The following SSR3 variants were observed in gnomAD, a reference collection of about 807,000 sequenced individuals.
The protein encoded by SSR3 is signal sequence receptor subunit 3.
A neutral mutation model predicts 22.1 loss-of-function variants in SSR3; 10 were observed. The ratio of observed to expected loss-of-function variants is 0.45; its 90% CI spans 0.28 to 0.77. The LOEUF is 0.77. Among genes scored for constraint, SSR3 ranks in the 30% least tolerant of loss-of-function variants. The probability of loss-of-function intolerance (pLI) is 0.13; values close to 1 mark genes in which losing one functional copy is unlikely to be tolerated. For missense variants in SSR3, 181 were observed against 220.5 expected (o/e 0.82, Z 1.13); for synonymous variants, 104 against 82.5 (o/e 1.26, Z -1.42).
intron 3 of SSR3, among the ~76,000 whole-genome samples, chr3:156,547,787 GA>G (rs1302262029): frequency 2.0e-5 from 3 of 152,160 alleles, no homozygotes; most frequent in Non-Finnish European, 4.4e-5. Flanking sequence ...CCAGTGCCAG[GA>G]AAGTTTCTTT....
At chr3:156,545,585 C>T (rs1430932093) in intron 3 of SSR3, among the ~76,000 whole-genome samples, 1 of 152,070 alleles carries the variant, frequency 6.6e-6, no homozygotes, top group African/African-American at 2.4e-5. Context: ...ACAAGTTTTG[C>T]CGGAAAGGAG....
At position 156,553,759 on chromosome 3, in the gene SSR3, A is replaced by AT. The variant is rs1461416831; in HGVS notation, c.155dup (p.His52GlnfsTer12). The AT allele has an allele frequency of 1.6e-5, 26 of 1,611,994 alleles. No homozygotes were observed. The highest frequency in any genetic ancestry group is 2.2e-5 in the Non-Finnish European group (26 of 1,179,258). On this transcript the variant is annotated frameshift_variant, in exon 2 of 5. Transcript: ENST00000265044. LOFTEE classifies it high-confidence loss of function. Reference sequence around the variant, plus strand: ...AAACAGCAGACTGAATAAGATCCATATGCCATATTCGCCAGTATAACCCTG... The same window carrying AT: ...AAACAGCAGACTGAATAAGATCCATATTGCCATATTCGCCAGTATAACCCTG...
chr3:156,549,144 A>C (rs1386244359), intron 2 of SSR3, 141 bp from the exon 3 acceptor site: 2 of 891,592 alleles, frequency 2.2e-6, no homozygotes, highest in Non-Finnish European at 3.2e-6. Flanking sequence ...CTGAGCAGAA[A>C]GTTCCAAGTT....
rs552636142 is a variant in SSR3 at position 156,541,937 on chromosome 3, T to C, written c.*1266A>G. On this transcript the variant is annotated 3_prime_UTR_variant, in exon 5 of 5. Coordinates refer to ENST00000265044, the MANE Select transcript of SSR3 (RefSeq NM_007107.5). ...AGTTAAACTCCCGATGAATAATTTT[T>C]ATAAAATTATAAAGAAAACAACTAA... is the stretch of plus-strand genomic sequence containing the variant. 2 of 152,310 alleles carry C rather than the reference T, an allele frequency of 1.3e-5. No individual in the cohort carries two copies. The highest frequency in any genetic ancestry group is 6.5e-5 in the Admixed American group (1 of 15,300). The allele number at this position is 152,310 out of a possible 1,614,324, so 9.4% of individuals were successfully genotyped here. A position where few individuals can be genotyped will look rare whatever the true frequency, so the allele number is the denominator to read the frequency against.
chr3:156,554,870 C>A, intron 1 of SSR3, 87 bp downstream of exon 1: 3 of 1,521,668 alleles, frequency 2.0e-6, no homozygotes, highest in Non-Finnish European at 2.6e-6. Context: ...GGCACCCACG[C>A]CTTCCCTGCT....
intron 2 of SSR3, among the ~76,000 whole-genome samples, chr3:156,549,980 AT>A (rs2108448972): frequency 6.7e-6 from 1 of 148,562 alleles, no homozygotes; most frequent in African/African-American, 2.5e-5. Flanking sequence ...ATTTCATTAT[AT>A]AAAAACTATC....
Position 156,541,089 on chromosome 3 carries a change from T to C in SSR3, c.*2114A>G, listed in dbSNP as rs1719467267. ...ACAGTAAACAAATTTTGCTCACTCA[T>C]TTTCCTACAAATCTTCAGTTTATTA... On this transcript the variant is annotated 3_prime_UTR_variant, in exon 5 of 5. Transcript: ENST00000265044. 6.6e-6 allele frequency: 1 copy of C among 152,246 alleles called. No individual in the cohort carries two copies. Among genetic ancestry groups the C allele is most frequent in the East Asian group, 1.9e-4 (1 of 5,206 alleles). The allele number at this position is 152,246 out of a possible 1,614,324, so 9.4% of individuals were successfully genotyped here. A position where few individuals can be genotyped will look rare whatever the true frequency, so the allele number is the denominator to read the frequency against.
chr3:156,548,276 G>T (rs1428965781), intron 3 of SSR3, among the ~76,000 whole-genome samples: 6 of 152,196 alleles, frequency 3.9e-5, no homozygotes, highest in African/African-American at 1.4e-4. Flanking sequence ...GGGACTAGGG[G>T]TTAACAAACG....
rs371884573 is a variant in SSR3, at chr3:156,540,950, A to G, written c.*2253T>C. The G allele has an allele frequency of 5.3e-4, 81 of 152,360 alleles. No individual in the cohort carries two copies. Among genetic ancestry groups the G allele is most frequent in the African/African-American group, 1.6e-3 (67 of 41,578 alleles). 9.4% of individuals were successfully genotyped at this position (152,360 alleles called of 1,614,324 possible). On this transcript the variant is annotated 3_prime_UTR_variant, in exon 5 of 5. Coordinates refer to ENST00000265044, the MANE Select transcript of SSR3 (RefSeq NM_007107.5). ...TACTCACACAGTAAATCCTTAACGAAAACTACTGAACTGTGAGTATATGCT... is the reference window on the plus strand; with the variant it reads ...TACTCACACAGTAAATCCTTAACGAGAACTACTGAACTGTGAGTATATGCT...
intron 3 of SSR3, among the ~76,000 whole-genome samples, chr3:156,547,985 G>A (rs1436234687): frequency 6.6e-6 from 1 of 152,082 alleles, no homozygotes; most frequent in African/African-American, 2.4e-5. Flanking sequence ...TGTGTTACTT[G>A]TTTTATATGC....
intron 2 of SSR3, among the ~76,000 whole-genome samples, chr3:156,551,692 C>T (rs1287173258): frequency 6.6e-6 from 1 of 152,218 alleles, no homozygotes; most frequent in African/African-American, 2.4e-5. Context: ...TAACTGAGAT[C>T]ATCTCAACAT....
At chr3:156,552,344 G>GACATGATAAAA (rs1286943919) in intron 2 of SSR3, among the ~76,000 whole-genome samples, 2 of 149,178 alleles carry the variant, frequency 1.3e-5, no homozygotes, top group Non-Finnish European at 3.0e-5. Flanking sequence ...TTATGAGAAT[G>GACATGATAAAA]ACATGATAAA....
chr3:156,553,421 T>C (rs892560946), intron 2 of SSR3, among the ~76,000 whole-genome samples: 1 of 152,188 alleles, frequency 6.6e-6, no homozygotes, highest in African/African-American at 2.4e-5. Context: ...TGTGTTTAAG[T>C]GTTCTAATTC....
Position 156,543,096 on chromosome 3 carries a change from C to A in SSR3, c.*107G>T. ...CATTCTGCTGGGTTTTTTAAAGGCT[C>A]TAGACTATAAAAACATCTTGTGTCT... On this transcript the variant is annotated 3_prime_UTR_variant, in exon 5 of 5. Transcript: ENST00000265044. 1 of 899,582 alleles carries A rather than the reference C, an allele frequency of 1.1e-6. No individual in the cohort carries two copies. The highest frequency in any genetic ancestry group is 1.7e-6 in the Non-Finnish European group (1 of 575,940). 55.7% of individuals were successfully genotyped at this position (899,582 alleles called of 1,614,324 possible). A position where few individuals can be genotyped will look rare whatever the true frequency, so the allele number is the denominator to read the frequency against.
rs554292791 is a variant in SSR3 at position 156,540,136 on chromosome 3, A to C, written c.*3067T>G. ...GATTCTTATAAAGAAGTGTAGGGAA[A>C]ATACAAATTTTAAGAAGCAAAGTTT... On this transcript the variant is annotated 3_prime_UTR_variant, in exon 5 of 5. Coordinates refer to ENST00000265044, the MANE Select transcript of SSR3 (RefSeq NM_007107.5). 6.6e-6 allele frequency: 1 copy of C among 152,354 alleles called. No homozygotes were observed. Among genetic ancestry groups the C allele is most frequent in the Non-Finnish European group, 1.5e-5 (1 of 68,040 alleles). The allele number at this position is 152,354 out of a possible 1,614,324, so 9.4% of individuals were successfully genotyped here.
At chr3:156,553,960 G>A in intron 1 of SSR3, 179 bp from the exon 2 acceptor site, 1 of 505,048 alleles carries the variant, frequency 2.0e-6, no homozygotes, top group Non-Finnish European at 3.3e-6. Flanking sequence ...ATAGTCTCAA[G>A]CTTTCCAGTT....
intron 2 of SSR3, 37 bp downstream of exon 2, chr3:156,553,618 C>T (rs748864741): frequency 1.9e-6 from 3 of 1,590,498 alleles, no homozygotes; most frequent in South Asian, 2.3e-5. Flanking sequence ...AAAAATATAA[C>T]ATGTAGTACG....
At chr3:156,545,487 C>T (rs1311731697) in intron 3 of SSR3, among the ~76,000 whole-genome samples, 1 of 152,166 alleles carries the variant, frequency 6.6e-6, no homozygotes, top group Non-Finnish European at 1.5e-5. Flanking sequence ...AGTCAGATGA[C>T]ACATCCCCTC....
In SSR3 at chr3:156,548,894, A is replaced by C. The variant is rs201086117; in HGVS notation, c.359+11T>G. On this transcript the variant is annotated intron_variant, in intron 3 of 4. Transcript: ENST00000265044. ...CTTTTATGATGGCCATACTTTAAAC[A>C]GGAGTCAAACCTTTCATCTTTCTCC... 98 of 1,612,564 alleles carry C rather than the reference A, an allele frequency of 6.1e-5. No individual in the cohort carries two copies. Among genetic ancestry groups the C allele is most frequent in the Non-Finnish European group, 6.8e-5 (80 of 1,179,608 alleles).
Sources: gnomAD v4.1 joint callset for allele counts (sites outside exome capture counted in the v4.1 genomes callset) on GRCh38, gnomAD v4.1.1 for gene constraint, MANE v1.5 for transcripts, NCBI Gene and HGNC (gene_info 2026-07-23, HGNC 2026-07-21) for gene names.